ITGAL: variants seen among roughly 807,000 people sequenced by gnomAD.
The protein encoded by ITGAL is integrin subunit alpha L.
A neutral mutation model predicts 138.4 loss-of-function variants in ITGAL; 68 were observed. The observed-to-expected ratio is 0.49, with a 90% CI of 0.40 to 0.60. ITGAL has a LOEUF of 0.60. Ranked by LOEUF, ITGAL falls within the 20% of genes least tolerant of loss-of-function variation. The pLI is 0.00. For missense variants in ITGAL, 1,256 were observed against 1,478.6 expected (o/e 0.85, Z 2.47); for synonymous variants, 561 against 584.3 (o/e 0.96, Z 0.57).
intron 25 of ITGAL, 130 bp downstream of exon 25, chr16:30,513,976 A>G (rs1567489737): frequency 4.3e-6 from 3 of 700,692 alleles, no homozygotes; most frequent in Admixed American, 2.3e-5. Flanking sequence ...TCCTTTCTCT[A>G]GAGTGTCACA....
intron 20 of ITGAL, 75 bp from the exon 21 acceptor site, chr16:30,506,640 C>T (rs566777321): frequency 8.9e-7 from 1 of 1,122,240 alleles, no homozygotes; most frequent in African/African-American, 1.6e-5. Context: ...TCTTTCTGGC[C>T]CACCAGATCC....
At chr16:30,483,513 G>A (rs1459623501) in intron 7 of ITGAL, among the ~76,000 whole-genome samples, 1 of 152,158 alleles carries the variant, frequency 6.6e-6, no homozygotes, top group Non-Finnish European at 1.5e-5. Flanking sequence ...TGATTAAAGA[G>A]TGGTGGCCAT....
intron 25 of ITGAL, 102 bp downstream of exon 25, chr16:30,513,948 C>A: frequency 2.3e-6 from 2 of 853,984 alleles, no homozygotes; most frequent in Admixed American, 2.0e-5. Context: ...TCATCCTAGC[C>A]ATCCAACTGT....
Position 30,499,408 on chromosome 16 carries a change from C to T in ITGAL, c.2064C>T (p.Phe688=). 2.5e-6 allele frequency: 4 copies of T among 1,614,038 alleles called. No homozygotes were observed. Among genetic ancestry groups the T allele is most frequent in the Non-Finnish European group, 3.4e-6 (4 of 1,180,022 alleles). ...ACCGGACCAGAAGACGGGGGTTGTT[C>T]CCAGGAGGGAGACATGAACTCAGAA... ...DGHRTRRRGL[F]PGGRHELRRN... is the part of the protein sequence containing the mutation. Residue 688 remains phenylalanine (F), a synonymous_variant, in exon 17 of 31, where the codon TTC becomes TTT. Coordinates refer to ENST00000356798, the MANE Select transcript of ITGAL (RefSeq NM_002209.3).
intron 20 of ITGAL, 84 bp from the exon 21 acceptor site, chr16:30,506,631 C>T (rs887472151): frequency 5.3e-6 from 3 of 567,426 alleles, no homozygotes; most frequent in Non-Finnish European, 2.8e-6. Flanking sequence ...TGATTTATTT[C>T]TTTCTGGCCC....
At chr16:30,480,703 A>C (rs2050539875) in intron 6 of ITGAL, 1 of 152,226 alleles carries the variant, frequency 6.6e-6, no homozygotes. Context: ...CAGGTCCTGC[A>C]TAAGAAGAGA....
chr16:30,473,843 C>A, intron 1 of ITGAL: 2 of 452,250 alleles, frequency 4.4e-6, no homozygotes, highest in South Asian at 1.6e-5. Flanking sequence ...AGAGGCGCAC[C>A]CGGCTCGGGG....
In ITGAL at chr16:30,494,579, A is replaced by G. The variant is rs35323954; in HGVS notation, c.1366-134A>G. On this transcript the variant is annotated intron_variant, in intron 12 of 30. Transcript: ENST00000356798. This position sits in a 1 kb window ranked among gnomAD's most constrained non-coding sequence, Gnocchi z 4.2. ...AAGAGCCCACCTTGTCTTAACGCAC[A>G]TAGACTAGGGGTGGATCCAAGATTG... The G allele has an allele frequency of 1.7e-3, 2,069 of 1,207,224 alleles. 28 individuals carry two copies. The African/African-American group carries it at 0.029, about 17-fold the overall frequency. 74.8% of individuals were successfully genotyped at this position (1,207,224 alleles called of 1,614,324 possible).
chr16:30,496,427 T>G lies in ITGAL; in HGVS notation c.1702-9T>G, dbSNP rs2050801540. On this transcript the variant is annotated splice_polypyrimidine_tract_variant and intron_variant, in intron 14 of 30. Transcript: ENST00000356798. ...CTCAGCTTAGTGGCAATTTCTTTCT[T>G]GCTCTCAGCGGATAGAAGGGACCCA... The G allele has an allele frequency of 1.2e-6, 2 of 1,613,902 alleles. No homozygotes were observed. Among genetic ancestry groups the G allele is most frequent in the Admixed American group, 1.7e-5 (1 of 59,928 alleles).
At chr16:30,479,025 G>A in intron 4 of ITGAL, 66 bp from the exon 5 acceptor site, 1 of 1,225,456 alleles carries the variant, frequency 8.2e-7, no homozygotes. Context: ...CCTAGTTTTG[G>A]TTGATGTTGC....
chr16:30,520,819 T>TGTAATCCGAG (rs2051242077), intron 30 of ITGAL, among the ~76,000 whole-genome samples: 1 of 152,164 alleles, frequency 6.6e-6, no homozygotes, highest in Non-Finnish European at 1.5e-5. Flanking sequence ...GTACGGTGGC[T>TGTAATCCGAG]CACACCTGTA....
At chr16:30,508,438 C>G (rs886370914) in intron 21 of ITGAL, among the ~76,000 whole-genome samples, 4 of 152,040 alleles carry the variant, frequency 2.6e-5, no homozygotes, top group Admixed American at 6.6e-5. Flanking sequence ...GTCTTGAACT[C>G]CTGTCCTCAG....
chr16:30,504,135 G>A lies in ITGAL; in HGVS notation c.2146-40G>A, dbSNP rs192817617. On this transcript the variant is annotated intron_variant, in intron 17 of 30. Transcript: ENST00000356798. Reference sequence around the variant, plus strand: ...ACATCTAATCGGAAGTGCGGTAAAAGTTAGATTCATGACATAGGCTGTATT... The same window carrying A: ...ACATCTAATCGGAAGTGCGGTAAAAATTAGATTCATGACATAGGCTGTATT... 169 of 1,482,486 alleles carry A rather than the reference G, an allele frequency of 1.1e-4. 1 individual carries two copies. The East Asian group carries it at 3.3e-3, about 29-fold the overall frequency. 91.8% of individuals were successfully genotyped at this position (1,482,486 alleles called of 1,614,324 possible).
Position 30,494,980 on chromosome 16 carries a change from G to A in ITGAL, c.1503+130G>A. On this transcript the variant is annotated intron_variant, in intron 13 of 30. Coordinates refer to ENST00000356798, the MANE Select transcript of ITGAL (RefSeq NM_002209.3). This position sits in a 1 kb window ranked among gnomAD's most constrained non-coding sequence, Gnocchi z 4.2. Reference sequence around the variant, plus strand: ...CTTTTAGAACGACAGAGAGGCAATAGCAAATCCTCACTGGGGAAAGACTGT... The same window carrying A: ...CTTTTAGAACGACAGAGAGGCAATAACAAATCCTCACTGGGGAAAGACTGT... The A allele has an allele frequency of 1.1e-6, 1 of 946,448 alleles. No individual in the cohort carries two copies. Among genetic ancestry groups the A allele is most frequent in the Non-Finnish European group, 1.5e-6 (1 of 645,832 alleles). 58.6% of individuals were successfully genotyped at this position (946,448 alleles called of 1,614,324 possible). A position where few individuals can be genotyped will look rare whatever the true frequency, so the allele number is the denominator to read the frequency against.
chr16:30,478,697 C>CAAAAAAAAA (rs59193580), intron 4 of ITGAL, among the ~76,000 whole-genome samples: 3 of 106,496 alleles, frequency 2.8e-5, no homozygotes, highest in South Asian at 3.2e-4. Context: ...GACTCCATCT[C>CAAAAAAAAA]AAAAAAAAAA....
chr16:30,486,850 C>T (rs2050654511), intron 9 of ITGAL, among the ~76,000 whole-genome samples: 1 of 152,146 alleles, frequency 6.6e-6, no homozygotes, highest in Admixed American at 6.6e-5. Context: ...GACTGGAGTG[C>T]AGTAGTGCGA....
chr16:30,501,060 G>T (rs1004937080), intron 17 of ITGAL, among the ~76,000 whole-genome samples: 12 of 151,854 alleles, frequency 7.9e-5, no homozygotes, highest in Non-Finnish European at 1.5e-4. Context: ...TGCCCAGGCT[G>T]GTCTAAAACC....
chr16:30,510,166 T>C (rs1207714046), intron 21 of ITGAL, among the ~76,000 whole-genome samples, 195 bp from the exon 22 acceptor site: 1 of 152,154 alleles, frequency 6.6e-6, no homozygotes, highest in Non-Finnish European at 1.5e-5. Flanking sequence ...AAGTGTGAGC[T>C]ACCTTACCCA....
chr16:30,519,741 G>T, intron 29 of ITGAL, 116 bp from the exon 30 acceptor site: 1 of 727,248 alleles, frequency 1.4e-6, no homozygotes, highest in South Asian at 1.5e-5. Context: ...TGCAGCTGGA[G>T]ACTCCAGGCG....
Sources: gnomAD v4.1 joint callset for allele counts (sites outside exome capture counted in the v4.1 genomes callset) on GRCh38, gnomAD v4.1.1 for gene constraint, Gnocchi (gnomAD v3.1) non-coding constraint, MANE v1.5 for transcripts, NCBI Gene and HGNC (gene_info 2026-07-23, HGNC 2026-07-21) for gene names.